The following ARL15 variants were observed in gnomAD, a reference collection of about 807,000 sequenced individuals.
The protein encoded by ARL15 is ADP-ribosylation factor-like protein 15.
In ARL15, 19 loss-of-function variants were observed where a neutral mutation model predicts 25.2. The ratio of observed to expected loss-of-function variants is 0.75; its 90% CI spans 0.53 to 1.10. The LOEUF is 1.10. ARL15 is among the 50% of genes least tolerant of loss of function. The pLI is 0.00. For missense variants in ARL15, 220 were observed against 246.0 expected (o/e 0.89, Z 0.71); for synonymous variants, 94 against 86.8 (o/e 1.08, Z -0.46).
chr5:54,088,161 G>A (rs1752031387), intron 4 of ARL15, among the ~76,000 whole-genome samples: 1 of 152,036 alleles, frequency 6.6e-6, no homozygotes, highest in Non-Finnish European at 1.5e-5. Context: ...GATAAAGAAG[G>A]GGCAAATAAT....
At chr5:54,058,884 G>A (rs1300910101) in intron 4 of ARL15, among the ~76,000 whole-genome samples, 1 of 152,200 alleles carries the variant, frequency 6.6e-6, no homozygotes, top group East Asian at 1.9e-4. Flanking sequence ...CGGGAGGAGG[G>A]AGAACTTTCG....
At chr5:54,033,523 T>G (rs1373110014) in intron 4 of ARL15, among the ~76,000 whole-genome samples, 2 of 149,664 alleles carry the variant, frequency 1.3e-5, no homozygotes, top group African/African-American at 4.9e-5. Flanking sequence ...AATACAAAAG[T>G]TAACTGGGTG....
chr5:54,303,259 C>T (rs1188868247), intron 1 of ARL15, among the ~76,000 whole-genome samples: 3 of 152,090 alleles, frequency 2.0e-5, no homozygotes, highest in Admixed American at 6.5e-5. Context: ...CAGTGGCTCA[C>T]GCCTGTGATC....
At chr5:54,227,476 C>T (rs150414234) in intron 1 of ARL15, among the ~76,000 whole-genome samples, 2 of 152,286 alleles carry the variant, frequency 1.3e-5, no homozygotes, top group African/African-American at 2.4e-5. Context: ...AAAATAGAGA[C>T]TTGTGGGCCA....
At chr5:53,953,888 T>C (rs1402546024) in intron 4 of ARL15, among the ~76,000 whole-genome samples, 1 of 152,182 alleles carries the variant, frequency 6.6e-6, no homozygotes, top group East Asian at 1.9e-4. Flanking sequence ...CTATGATCAC[T>C]TAAAAACACT....
chr5:53,963,362 C>T (rs1243392033), intron 4 of ARL15, among the ~76,000 whole-genome samples: 1 of 152,172 alleles, frequency 6.6e-6, no homozygotes, highest in Non-Finnish European at 1.5e-5. Flanking sequence ...GGGTGAAAAA[C>T]AGTGTTTCCC....
chr5:54,275,241 T>C (rs1468827375), intron 1 of ARL15, among the ~76,000 whole-genome samples: 1 of 152,218 alleles, frequency 6.6e-6, no homozygotes, highest in East Asian at 1.9e-4. Context: ...GTCTGTTGGC[T>C]TAATCTCAGA....
intron 4 of ARL15, among the ~76,000 whole-genome samples, chr5:53,996,885 G>C (rs1419072447): frequency 6.6e-6 from 1 of 152,122 alleles, no homozygotes; most frequent in Non-Finnish European, 1.5e-5. Context: ...CAGGAGCACT[G>C]GGATGGACAC....
In ARL15 at chr5:53,910,860, T is replaced by C. The variant is rs114703382; in HGVS notation, c.463-24147A>G. Among the ~76,000 whole-genome samples, 671 of 151,250 alleles carry C rather than the reference T, an allele frequency of 4.4e-3. 3 individuals are homozygous for C. Among genetic ancestry groups the C allele is most frequent in the South Asian group, 0.031 (149 of 4,780 alleles). ...GGAAAAGTGATTCGACCAATTGGAG[T>C]AGGGTTGAGCATTATTATAGTTGCC... is the stretch of plus-strand genomic sequence containing the variant. On this transcript the variant is annotated intron_variant, in intron 4 of 4. Transcript: ENST00000504924.
intron 1 of ARL15, chr5:54,282,312 T>C: frequency 2.0e-6 from 2 of 985,444 alleles, no homozygotes; most frequent in Non-Finnish European, 2.4e-6. Flanking sequence ...GAGATCTGGA[T>C]GCATTCAGAC....
At chr5:53,923,844 A>G (rs1166466193) in intron 4 of ARL15, among the ~76,000 whole-genome samples, 1 of 152,040 alleles carries the variant, frequency 6.6e-6, no homozygotes, top group Non-Finnish European at 1.5e-5. Flanking sequence ...CAGCCTGGGC[A>G]ACAGAGCAAG....
chr5:54,273,132 T>C (rs1195883692), intron 1 of ARL15, among the ~76,000 whole-genome samples: 1 of 152,194 alleles, frequency 6.6e-6, no homozygotes, highest in Non-Finnish European at 1.5e-5. Flanking sequence ...CATAGTCCCA[T>C]ATCTACCTCT....
rs1753182713 is a variant in ARL15 at position 54,124,420 on chromosome 5, A to G, written c.254-11010T>C. Among the ~76,000 whole-genome samples, 4 of 152,142 alleles carry G rather than the reference A, an allele frequency of 2.6e-5. No individual in the cohort carries two copies. In the South Asian group the frequency reaches 8.3e-4, roughly 31 times the overall value. ...TCATAGGCTTGCTGCTGTTCTGAAT[A>G]TTTTTTCTTATATACAAATGACTGA... On this transcript the variant is annotated intron_variant, in intron 3 of 4. Coordinates refer to ENST00000504924, the MANE Select transcript of ARL15 (RefSeq NM_019087.3).
chr5:54,146,368 C>T (rs368041190), intron 3 of ARL15, among the ~76,000 whole-genome samples: 10 of 152,092 alleles, frequency 6.6e-5, no homozygotes, highest in East Asian at 5.8e-4. Flanking sequence ...AAACTAGTTA[C>T]GTTATACTTA....
intron 1 of ARL15, among the ~76,000 whole-genome samples, chr5:54,194,069 C>A (rs138678855): frequency 1.6e-4 from 24 of 152,098 alleles, no homozygotes; most frequent in African/African-American, 5.8e-4. Context: ...TCCTAATCGC[C>A]ATGCATTGGA....
intron 1 of ARL15, among the ~76,000 whole-genome samples, chr5:54,213,808 T>G (rs1201986769): frequency 6.6e-6 from 1 of 152,164 alleles, no homozygotes; most frequent in African/African-American, 2.4e-5. Context: ...TGCAGAAAAT[T>G]ATTTTAACTT....
intron 3 of ARL15, among the ~76,000 whole-genome samples, chr5:54,137,972 G>A (rs1753656675): frequency 2.0e-5 from 3 of 152,034 alleles, no homozygotes. Context: ...TAGAGTCAAA[G>A]TATGCCTTAG....
intron 1 of ARL15, among the ~76,000 whole-genome samples, chr5:54,197,402 C>T (rs1367324823): frequency 6.6e-6 from 1 of 152,164 alleles, no homozygotes; most frequent in Non-Finnish European, 1.5e-5. Context: ...GATGCCCCTA[C>T]TTCATGATCA....
At chr5:54,162,586 T>A (rs1229904813) in intron 2 of ARL15, among the ~76,000 whole-genome samples, 1 of 152,204 alleles carries the variant, frequency 6.6e-6, no homozygotes, top group Non-Finnish European at 1.5e-5. Context: ...ACCTCTGCAT[T>A]CCCACCTACC....
Sources: gnomAD v4.1 joint callset for allele counts (sites outside exome capture counted in the v4.1 genomes callset) on GRCh38, gnomAD v4.1.1 for gene constraint, MANE v1.5 for transcripts, NCBI Gene and HGNC (gene_info 2026-07-23, HGNC 2026-07-21) for gene names.